HGSNAT: variants seen among roughly 807,000 people sequenced by gnomAD.
The protein encoded by HGSNAT is transmembrane protein 76.
A neutral mutation model predicts 85.2 loss-of-function variants in HGSNAT; 59 were observed. That is an observed-to-expected ratio of 0.69 (90% CI 0.56 to 0.86). The LOEUF (loss-of-function observed/expected upper bound fraction) is 0.86, where lower values mean the gene tolerates loss of function less well. Ranked by LOEUF, HGSNAT falls within the 40% of genes least tolerant of loss-of-function variation. The pLI, the probability that HGSNAT is intolerant of heterozygous loss-of-function variation, is 0.00. For missense variants in HGSNAT, 756 were observed against 777.1 expected, an observed-to-expected ratio of 0.97 and a Z score of 0.32; for synonymous variants, 321 against 304.5, an observed-to-expected ratio of 1.05 and a Z score of -0.56.
At chr8:43,191,967 C>T (rs1029436513) in intron 12 of HGSNAT, among the ~76,000 whole-genome samples, 3 of 152,006 alleles carry the variant, frequency 2.0e-5, no homozygotes, top group African/African-American at 4.8e-5. Context: ...CTTGCTCTGT[C>T]GCCCAGGCAG....
At chr8:43,143,468 C>G (rs549080982) in intron 1 of HGSNAT, among the ~76,000 whole-genome samples, 61 of 152,214 alleles carry the variant, frequency 4.0e-4, no homozygotes, top group Non-Finnish European at 7.2e-4. Context: ...TGACTTTGGG[C>G]AAGCTGCTTG....
rs2130821361 is a variant in HGSNAT, at chr8:43,197,750, T to C, written c.1613+8T>C. 7 of 1,610,304 alleles carry C rather than the reference T, an allele frequency of 4.3e-6. No homozygotes were observed. The highest frequency in any genetic ancestry group is 5.9e-6 in the Non-Finnish European group (7 of 1,176,518). On this transcript the variant is annotated splice_region_variant and intron_variant, in intron 16 of 17. Coordinates refer to ENST00000379644, the MANE Select transcript of HGSNAT (RefSeq NM_152419.3). ...AGTAAACAAAAATCTCTGGTATGTA[T>C]GGAAAAAGCATGATTTTATGGATGA...
At chr8:43,175,891 A>G (rs1250335018) in intron 9 of HGSNAT, among the ~76,000 whole-genome samples, 2 of 151,944 alleles carry the variant, frequency 1.3e-5, no homozygotes, top group African/African-American at 2.4e-5. Context: ...TAATTGGATT[A>G]TTAGATTTTT....
intron 15 of HGSNAT, 97 bp from the exon 16 acceptor site, chr8:43,197,575 C>T: frequency 3.4e-6 from 3 of 873,952 alleles, no homozygotes; most frequent in Non-Finnish European, 5.7e-6. Context: ...TCAGCCCTCT[C>T]TACGTGATTA....
At chr8:43,178,973 T>A (rs1445050676) in intron 10 of HGSNAT, among the ~76,000 whole-genome samples, 1 of 148,172 alleles carries the variant, frequency 6.7e-6, no homozygotes, top group African/African-American at 2.5e-5. Context: ...GAATTTTTCT[T>A]AGTACAGAAC....
chr8:43,154,662 C>A (rs1327873894), intron 2 of HGSNAT, among the ~76,000 whole-genome samples: 1 of 152,166 alleles, frequency 6.6e-6, no homozygotes, highest in Non-Finnish European at 1.5e-5. Flanking sequence ...CATATGTGTG[C>A]ATGTGTCTTT....
intron 15 of HGSNAT, chr8:43,197,465 C>T: frequency 1.7e-6 from 1 of 588,666 alleles, no homozygotes; most frequent in African/African-American, 1.9e-5. Flanking sequence ...CCCTCTTCAA[C>T]TCAGTAGAAT....
At chr8:43,167,528 ACTGT>A (rs1430831550) in intron 5 of HGSNAT, among the ~76,000 whole-genome samples, 4 of 152,324 alleles carry the variant, frequency 2.6e-5, no homozygotes, top group Admixed American at 6.5e-5. Flanking sequence ...AGGTATGTAA[ACTGT>A]CTTTTTGTGC....
intron 2 of HGSNAT, 105 bp downstream of exon 2, chr8:43,147,168 A>G: frequency 3.0e-6 from 2 of 661,170 alleles, no homozygotes; most frequent in Non-Finnish European, 5.1e-6. Context: ...TCAGTTTTGC[A>G]GCTAAAGAAA....
At position 43,178,590 on chromosome 8, in the gene HGSNAT, CTT is replaced by C. The variant is rs1188570834; in HGVS notation, c.1012+358_1012+359del. 4.6e-5 allele frequency among the ~76,000 whole-genome samples: 6 copies of C among 129,898 alleles called. No homozygotes were observed. The East Asian group carries it at 1.1e-3, about 24-fold the overall frequency. The allele number at this position is 129,898 out of a possible 152,430, so 85.2% of individuals were successfully genotyped here. A position where few individuals can be genotyped will look rare whatever the true frequency, so the allele number is the denominator to read the frequency against. On this transcript the variant is annotated intron_variant, in intron 10 of 17. Coordinates refer to ENST00000379644, the MANE Select transcript of HGSNAT (RefSeq NM_152419.3). Reference sequence around the variant, plus strand: ...CCCCCTGCTAATGTGATTTCATCAGCTTTCTTTTTTTTTTTTTTTTTTTTAAA... The same window carrying C: ...CCCCCTGCTAATGTGATTTCATCAGCTCTTTTTTTTTTTTTTTTTTTTAAA...
At chr8:43,148,628 A>G (rs930765345) in intron 2 of HGSNAT, among the ~76,000 whole-genome samples, 1 of 151,160 alleles carries the variant, frequency 6.6e-6, no homozygotes, top group Non-Finnish European at 1.5e-5. Flanking sequence ...TCTCTATTAA[A>G]AAATACAAAA....
intron 1 of HGSNAT, among the ~76,000 whole-genome samples, chr8:43,142,092 CTA>C (rs1802570075): frequency 2.0e-5 from 3 of 151,942 alleles, no homozygotes; most frequent in African/African-American, 7.3e-5. Flanking sequence ...AAAAAGTAGA[CTA>C]TGTCTTTAAA....
Position 43,170,646 on chromosome 8 carries a change from G to C in HGSNAT, c.695G>C (p.Arg232Pro). 1 of 1,609,688 alleles carries C rather than the reference G, an allele frequency of 6.2e-7. No homozygotes were observed. The highest frequency in any genetic ancestry group is 8.5e-7 in the Non-Finnish European group (1 of 1,178,226). The change falls in exon 7 of 18, where the codon CGT (arginine) becomes CCT (proline). Residue 232 changes from arginine (R) to proline (P), a missense_variant. Physicochemically the swap from Arg to Pro is moderately radical, Grantham distance 103. Coordinates refer to ENST00000379644, the MANE Select transcript of HGSNAT (RefSeq NM_152419.3). Reference protein sequence around the residue: ...LDGDVQPATWRLSALPPRLRS... With the variant: ...LDGDVQPATWPLSALPPRLRS... ...GGTGATGTTCAGCCAGCAACGTGGC[G>C]TCTATCTGCCCTGCCGCCCCGCCTC...
At chr8:43,150,086 A>G (rs1802852476) in intron 2 of HGSNAT, among the ~76,000 whole-genome samples, 1 of 151,932 alleles carries the variant, frequency 6.6e-6, no homozygotes, top group Non-Finnish European at 1.5e-5. Flanking sequence ...CCTCCCGAGT[A>G]GTTGGGACTA....
chr8:43,141,286 G>A (rs1802526886), intron 1 of HGSNAT, among the ~76,000 whole-genome samples: 1 of 151,898 alleles, frequency 6.6e-6, no homozygotes, highest in South Asian at 2.1e-4. Context: ...GGGTGACTGG[G>A]AAGCCGCCGC....
At position 43,202,563 on chromosome 8, in the gene HGSNAT, A is replaced by C. The variant is rs982356059; in HGVS notation, c.*2994A>C. ...AGCTCCTAAGTAATGGAGCAAAAAA[A>C]TTCTATTCTGTAGAATGGGGAGAGA... is the stretch of plus-strand genomic sequence containing the variant. On this transcript the variant is annotated 3_prime_UTR_variant, in exon 18 of 18. Transcript: ENST00000379644. 2 of 152,230 alleles carry C rather than the reference A, an allele frequency of 1.3e-5. No homozygotes were observed. The highest frequency in any genetic ancestry group is 4.8e-5 in the African/African-American group (2 of 41,454). The allele number at this position is 152,230 out of a possible 1,614,324, so 9.4% of individuals were successfully genotyped here. A position where few individuals can be genotyped will look rare whatever the true frequency, so the allele number is the denominator to read the frequency against.
In HGSNAT at chr8:43,158,637, A is replaced by C. The variant is rs1263075052; in HGVS notation, c.297A>C (p.Ala99=). The part of the protein sequence containing the change: ...QSPKAGKPSA[A]AASVSTQHGS... The stretch of plus-strand genomic sequence containing the variant: ...CAAAAGCAGGGAAGCCTAGTGCTGC[A>C]GCTGCCTCTGTCAGCACCCAGCACG... The change falls in exon 3 of 18, where the codon GCA becomes GCC. Residue 99 remains alanine (A), a synonymous_variant. Coordinates refer to ENST00000379644, the MANE Select transcript of HGSNAT (RefSeq NM_152419.3). The C allele has an allele frequency of 6.2e-7, 1 of 1,613,850 alleles. No individual in the cohort carries two copies. The highest frequency in any genetic ancestry group is 1.7e-5 in the Admixed American group (1 of 60,010).
intron 1 of HGSNAT, among the ~76,000 whole-genome samples, chr8:43,146,146 ATGCTCCCAATCCAGGATTCAC>A (rs1431775249): frequency 6.6e-6 from 1 of 152,002 alleles, no homozygotes; most frequent in Non-Finnish European, 1.5e-5. Flanking sequence ...GGATTGGGGC[ATGCTCCCAATCCAGGATTCAC>A]TGCTCCCAAT....
chr8:43,174,569 A>G (rs768759197), intron 9 of HGSNAT, among the ~76,000 whole-genome samples: 6 of 152,210 alleles, frequency 3.9e-5, no homozygotes, highest in Non-Finnish European at 7.3e-5. Context: ...GTATTAAGTG[A>G]CATTGCTCCC....
Sources: allele counts gnomAD v4.1 joint callset (sites outside exome capture counted in the v4.1 genomes callset), GRCh38; gene constraint gnomAD v4.1.1; transcripts MANE v1.5; gene names NCBI Gene and HGNC (gene_info 2026-07-23, HGNC 2026-07-21).